Variants in NBEA observed in about 807,000 individuals in gnomAD.
NBEA encodes the protein lysosomal-trafficking regulator 2.
A neutral mutation model predicts 343.4 loss-of-function variants in NBEA; 44 were observed. That is an observed-to-expected ratio of 0.13 (90% confidence interval 0.10 to 0.16). NBEA has a LOEUF of 0.16. Ranked by LOEUF, NBEA falls within the 10% of genes least tolerant of loss-of-function variation. NBEA has a pLI of 1.00. For synonymous variants in NBEA, 1,175 were observed against 1,238.7 expected (o/e 0.95, Z 1.08); for missense variants, 2,555 against 3,631.3 (o/e 0.70, Z 7.62).
At chr13:35,490,169 C>T (rs2076451233) in intron 41 of NBEA, among the ~76,000 whole-genome samples, 1 of 151,910 alleles carries the variant, frequency 6.6e-6, no homozygotes, top group Non-Finnish European at 1.5e-5. Flanking sequence ...AAGGCTATAA[C>T]TTTATTAAAG....
intron 34 of NBEA, among the ~76,000 whole-genome samples, chr13:35,255,775 G>A (rs778665211): frequency 2.0e-5 from 3 of 152,228 alleles, no homozygotes; most frequent in Non-Finnish European, 2.9e-5. Context: ...TGTGGTGAGC[G>A]GGGGTGGGAG....
intron 10 of NBEA, among the ~76,000 whole-genome samples, chr13:35,083,564 A>G (rs1298957581): frequency 6.6e-6 from 1 of 152,122 alleles, no homozygotes; most frequent in Non-Finnish European, 1.5e-5. Context: ...ATGCTGAGAG[A>G]TTTTGTCACC....
intron 49 of NBEA, among the ~76,000 whole-genome samples, chr13:35,635,083 T>C (rs1477221304): frequency 6.6e-6 from 1 of 152,148 alleles, no homozygotes; most frequent in Non-Finnish European, 1.5e-5. Context: ...ATTAACACAC[T>C]TTTTCATCCT....
rs545766513 is a variant in NBEA at position 34,946,974 on chromosome 13, T to G, written c.294+3860T>G. 3.3e-5 allele frequency among the ~76,000 whole-genome samples: 5 copies of G among 151,986 alleles called. No homozygotes were observed. In the South Asian group the frequency reaches 1.0e-3, roughly 32 times the overall value. ...AGAATTTTACAAACAAGGTGTCTTC[T>G]GCATTTGAATTATATTTATTTAAAA... On this transcript the variant is annotated intron_variant, in intron 1 of 58. Transcript: ENST00000379939.
chr13:35,634,582 GCTT>G (rs2083614858), intron 49 of NBEA, among the ~76,000 whole-genome samples: 2 of 152,086 alleles, frequency 1.3e-5, no homozygotes, highest in African/African-American at 2.4e-5. Context: ...GATTTCAATG[GCTT>G]CTTTTTAACG....
chr13:35,046,025 G>T (rs1403627910), intron 4 of NBEA, among the ~76,000 whole-genome samples: 3 of 151,898 alleles, frequency 2.0e-5, no homozygotes, highest in African/African-American at 7.3e-5. Context: ...CACCCGGCCT[G>T]GTATATAGTC....
At chr13:35,617,184 A>G (rs369558095) in intron 48 of NBEA, among the ~76,000 whole-genome samples, 22 of 152,392 alleles carry the variant, frequency 1.4e-4, no homozygotes, top group African/African-American at 5.0e-4. Context: ...TGAGAGAAGC[A>G]AGGCACTGCA....
chr13:35,495,486 A>G (rs941595239), intron 41 of NBEA, among the ~76,000 whole-genome samples: 18 of 152,066 alleles, frequency 1.2e-4, no homozygotes, highest in Non-Finnish European at 2.6e-4. Context: ...ATTGACAAGG[A>G]CATATGCTCC....
intron 55 of NBEA, among the ~76,000 whole-genome samples, chr13:35,658,777 G>T (rs1428584929): frequency 8.5e-5 from 13 of 152,102 alleles, no homozygotes; most frequent in Admixed American, 8.5e-4. Context: ...GTGATCTCAG[G>T]TTTAGTATTG....
chr13:35,147,799 T>C (rs1176700517), intron 18 of NBEA, among the ~76,000 whole-genome samples: 1 of 152,038 alleles, frequency 6.6e-6, no homozygotes, highest in Non-Finnish European at 1.5e-5. Flanking sequence ...AGGGTGTGAG[T>C]ATAACAGAGG....
intron 34 of NBEA, among the ~76,000 whole-genome samples, chr13:35,259,092 A>C (rs1428802095): frequency 6.6e-6 from 1 of 152,206 alleles, no homozygotes; most frequent in Non-Finnish European, 1.5e-5. Context: ...GTTCCTTTCC[A>C]TGCTAAGCAC....
At position 35,215,696 on chromosome 13, in the gene NBEA, G is replaced by T. The variant is rs113120845; in HGVS notation, c.5648+4517G>T. On this transcript the variant is annotated intron_variant, in intron 33 of 58. Coordinates refer to ENST00000379939, the MANE Select transcript of NBEA (RefSeq NM_001385012.1). ...TAGAACTTTCTAAACTCACATAATC[G>T]ATCTAACACTTTCTGTAGTTTCCTT... 2.8e-3 allele frequency among the ~76,000 whole-genome samples: 421 copies of T among 151,468 alleles called. 2 individuals carry two copies. The highest frequency in any genetic ancestry group is 8.9e-3 in the African/African-American group (369 of 41,396).
chr13:35,636,828 A>G (rs2083712443), intron 49 of NBEA, among the ~76,000 whole-genome samples: 1 of 152,214 alleles, frequency 6.6e-6, no homozygotes. Flanking sequence ...AAGAATCCTT[A>G]AGCGATCATC....
intron 38 of NBEA, 21 bp downstream of exon 38, chr13:35,352,344 G>A (rs753091264): frequency 3.0e-6 from 4 of 1,349,880 alleles, no homozygotes; most frequent in South Asian, 4.0e-5. Context: ...ATAAATTCGA[G>A]TAAATAATAA....
chr13:35,271,318 A>G (rs1472432633), intron 34 of NBEA, among the ~76,000 whole-genome samples: 1 of 152,200 alleles, frequency 6.6e-6, no homozygotes, highest in Non-Finnish European at 1.5e-5. Context: ...CAACGTAAAC[A>G]AAAAGGACAT....
intron 36 of NBEA, among the ~76,000 whole-genome samples, chr13:35,335,864 G>T (rs560766240): frequency 6.6e-6 from 1 of 152,020 alleles, no homozygotes; most frequent in Non-Finnish European, 1.5e-5. Context: ...AAGGCTATTC[G>T]CATGCCGGGG....
At chr13:35,472,730 C>G (rs955743633) in intron 41 of NBEA, among the ~76,000 whole-genome samples, 194 bp downstream of exon 41, 2 of 152,136 alleles carry the variant, frequency 1.3e-5, no homozygotes, top group Admixed American at 6.5e-5. Flanking sequence ...TCCTGTATTA[C>G]CAGAGCATGC....
chr13:34,980,488 G>T (rs1477241012), intron 1 of NBEA, among the ~76,000 whole-genome samples: 1 of 142,786 alleles, frequency 7.0e-6, no homozygotes, highest in Non-Finnish European at 1.6e-5. Context: ...TTATTTAAAT[G>T]CTATTTGCTA....
At chr13:35,432,209 A>G (rs2045163523) in intron 38 of NBEA, 60 bp from the exon 39 acceptor site, 1 of 1,379,810 alleles carries the variant, frequency 7.2e-7, no homozygotes, top group Non-Finnish European at 9.7e-7. Flanking sequence ...TTATAGAAAA[A>G]TGTATTTCCA....
Sources: gnomAD v4.1 joint callset for allele counts (sites outside exome capture counted in the v4.1 genomes callset) on GRCh38, gnomAD v4.1.1 for gene constraint, MANE v1.5 for transcripts, NCBI Gene and HGNC (gene_info 2026-07-23, HGNC 2026-07-21) for gene names.